CCSER1: variants seen among roughly 807,000 people sequenced by gnomAD.
CCSER1 encodes coiled-coil serine rich protein 1, also known as serine-rich coiled-coil domain-containing protein 1.
CCSER1 carries 41 observed loss-of-function variants against 82.0 expected under a neutral mutation model. The observed-to-expected ratio is 0.50, with a 90% confidence interval of 0.39 to 0.65. The LOEUF is 0.65. Among genes scored for constraint, CCSER1 ranks in the 30% least tolerant of loss-of-function variants. CCSER1 has a pLI of 0.00. For missense variants in CCSER1, 1,119 were observed against 1,064.2 expected, an observed-to-expected ratio of 1.05 and a Z score of -0.72; for synonymous variants, 414 against 383.9, an observed-to-expected ratio of 1.08 and a Z score of -0.92.
intron 10 of CCSER1, among the ~76,000 whole-genome samples, chr4:91,523,022 G>T (rs576868453): frequency 6.6e-6 from 1 of 152,196 alleles, no homozygotes; most frequent in Non-Finnish European, 1.5e-5. Flanking sequence ...GTCATAAATA[G>T]CTCTTATTAT....
chr4:90,365,506 A>G (rs747399184), intron 3 of CCSER1, among the ~76,000 whole-genome samples: 73 of 151,856 alleles, frequency 4.8e-4, no homozygotes, highest in Admixed American at 6.6e-4. Flanking sequence ...TTTTTAAACA[A>G]TTGTATGTAC....
intron 8 of CCSER1, among the ~76,000 whole-genome samples, chr4:90,830,029 G>A (rs1346165423): frequency 1.3e-5 from 2 of 152,148 alleles, no homozygotes; most frequent in Admixed American, 1.3e-4. Context: ...CACTTCTAAT[G>A]TTAGCCTGTG....
At chr4:91,235,930 T>A (rs1738967513) in intron 10 of CCSER1, among the ~76,000 whole-genome samples, 1 of 152,208 alleles carries the variant, frequency 6.6e-6, no homozygotes, top group South Asian at 2.1e-4. Context: ...GGATGATTAC[T>A]TCTGTTGCCA....
intron 10 of CCSER1, among the ~76,000 whole-genome samples, chr4:91,499,229 T>C (rs957201456): frequency 2.6e-5 from 4 of 152,026 alleles, no homozygotes; most frequent in African/African-American, 9.7e-5. Flanking sequence ...ATAATTAGTA[T>C]TTTGGGGTTT....
At chr4:91,095,682 T>C (rs546227393) in intron 10 of CCSER1, among the ~76,000 whole-genome samples, 1 of 152,326 alleles carries the variant, frequency 6.6e-6, no homozygotes, top group South Asian at 2.1e-4. Context: ...CTGTCTTTCA[T>C]AGAATTGGTC....
chr4:91,220,684 A>G (rs1279501071), intron 10 of CCSER1, among the ~76,000 whole-genome samples: 1 of 152,126 alleles, frequency 6.6e-6, no homozygotes, highest in Non-Finnish European at 1.5e-5. Context: ...ACTTCACATA[A>G]CCCTGCAAGC....
chr4:91,463,619 G>A (rs77097442), intron 10 of CCSER1, among the ~76,000 whole-genome samples: 5 of 152,208 alleles, frequency 3.3e-5, no homozygotes, highest in South Asian at 4.1e-4. Flanking sequence ...AAGATTAGAC[G>A]AATGGCTAAT....
chr4:90,869,857 T>C (rs1294291780), intron 8 of CCSER1, among the ~76,000 whole-genome samples: 1 of 151,952 alleles, frequency 6.6e-6, no homozygotes, highest in South Asian at 2.1e-4. Flanking sequence ...CTTTTCATTT[T>C]TTTGTTTCTT....
intron 10 of CCSER1, among the ~76,000 whole-genome samples, chr4:91,364,571 G>C (rs1284283522): frequency 4.0e-5 from 6 of 151,512 alleles, no homozygotes; most frequent in Non-Finnish European, 7.4e-5. Flanking sequence ...TCAACTGTAT[G>C]ATATTATATG....
intron 5 of CCSER1, among the ~76,000 whole-genome samples, chr4:90,525,468 C>T (rs893959831): frequency 1.2e-4 from 18 of 151,928 alleles, no homozygotes; most frequent in African/African-American, 4.1e-4. Flanking sequence ...GCTTCAGGCT[C>T]ATTATAAAAA....
intron 4 of CCSER1, among the ~76,000 whole-genome samples, chr4:90,428,295 G>A (rs1201813406): frequency 1.3e-5 from 2 of 151,692 alleles, no homozygotes; most frequent in East Asian, 3.9e-4. Flanking sequence ...GAAATACTTT[G>A]ATGCATTTAA....
intron 10 of CCSER1, among the ~76,000 whole-genome samples, chr4:91,312,314 G>A (rs1451456403): frequency 1.3e-5 from 2 of 151,730 alleles, no homozygotes; most frequent in South Asian, 2.1e-4. Flanking sequence ...GAATATCAAG[G>A]AGAAAGAGGC....
At chr4:91,295,884 T>C (rs1024526121) in intron 10 of CCSER1, among the ~76,000 whole-genome samples, 1 of 151,906 alleles carries the variant, frequency 6.6e-6, no homozygotes, top group Non-Finnish European at 1.5e-5. Flanking sequence ...GTATATTTTG[T>C]ATTAGGATAT....
chr4:91,228,312 ACAC>A (rs1197582403), intron 10 of CCSER1, among the ~76,000 whole-genome samples: 2 of 152,126 alleles, frequency 1.3e-5, no homozygotes, highest in African/African-American at 4.8e-5. Flanking sequence ...TTAGAAGCAG[ACAC>A]CTGTTTCTTT....
chr4:90,543,534 G>T (rs1393328938), intron 5 of CCSER1, among the ~76,000 whole-genome samples: 29 of 152,156 alleles, frequency 1.9e-4, no homozygotes, highest in Non-Finnish European at 2.9e-5. Flanking sequence ...TAAGTCTGAA[G>T]AGAGTGCACA....
rs1180445864 is a variant in CCSER1 at position 90,578,632 on chromosome 4, A to C, written c.1725-49393A>C. ...ATATCCAGAATATTCTCCCATCTCA[A>C]CTTCAGCTGATTGCCAACGTTAATT... On this transcript the variant is annotated intron_variant, in intron 5 of 10. Transcript: ENST00000509176. 2.6e-5 allele frequency among the ~76,000 whole-genome samples: 4 copies of C among 152,074 alleles called. No individual in the cohort carries two copies. The East Asian group carries it at 7.7e-4, about 29-fold the overall frequency.
chr4:90,199,685 C>T (rs1194647449), intron 1 of CCSER1, among the ~76,000 whole-genome samples: 8 of 152,010 alleles, frequency 5.3e-5, no homozygotes, highest in African/African-American at 1.9e-4. Flanking sequence ...TGGTATAATC[C>T]TTCTTCAGAA....
In CCSER1 at chr4:90,191,507, A is replaced by C. The variant is rs138869462; in HGVS notation, c.-42+63676A>C. 7.4e-3 allele frequency among the ~76,000 whole-genome samples: 1,126 copies of C among 152,132 alleles called. 18 individuals are homozygous for C. The highest frequency in any genetic ancestry group is 0.025 in the African/African-American group (1,049 of 41,548). ...AAAGGCTAGGGAGAGAGACAGCACT[A>C]TACCAGTAGTGTGGGTGAGATGCAG... On this transcript the variant is annotated intron_variant, in intron 1 of 10. Coordinates refer to ENST00000509176, the MANE Select transcript of CCSER1 (RefSeq NM_001145065.2).
chr4:91,131,526 A>G (rs917694181), intron 10 of CCSER1, among the ~76,000 whole-genome samples: 10 of 152,072 alleles, frequency 6.6e-5, no homozygotes, highest in Non-Finnish European at 1.0e-4. Context: ...CAGGAGACAC[A>G]TACTGCATTA....
Sources: gnomAD v4.1 joint callset for allele counts (sites outside exome capture counted in the v4.1 genomes callset) on GRCh38, gnomAD v4.1.1 for gene constraint, MANE v1.5 for transcripts, NCBI Gene and HGNC (gene_info 2026-07-23, HGNC 2026-07-21) for gene names.